The following TMEM132B variants were observed in gnomAD, a reference collection of about 807,000 sequenced individuals.
TMEM132B encodes the protein transmembrane protein 132B.
Under a neutral mutation model 90.8 loss-of-function variants are expected in TMEM132B, and 18 were observed. The observed-to-expected ratio is 0.20, with a 90% CI of 0.14 to 0.29. TMEM132B has a LOEUF of 0.29. TMEM132B is among the 10% of genes least tolerant of loss of function. The pLI, the probability that TMEM132B is intolerant of heterozygous loss-of-function variation, is 1.00. For synonymous variants in TMEM132B, 504 were observed against 523.3 expected (o/e 0.96, Z 0.50); for missense variants, 1,096 against 1,326.8 (o/e 0.83, Z 2.70).
At chr12:125,386,169 A>G (rs965903021) in intron 2 of TMEM132B, among the ~76,000 whole-genome samples, 2 of 151,892 alleles carry the variant, frequency 1.3e-5, no homozygotes, top group Non-Finnish European at 2.9e-5. Context: ...TGTATTTTTT[A>G]TAGAGATGGG....
Position 125,536,832 on chromosome 12 carries a change from G to C in TMEM132B, c.1293+17207G>C, listed in dbSNP as rs1201692545. ...AAATAGGGCTTTGCAGCTGTCATTAGGTTAAGGATGTGAATCTGGGGAGAT... is the reference window on the plus strand; with the variant it reads ...AAATAGGGCTTTGCAGCTGTCATTACGTTAAGGATGTGAATCTGGGGAGAT... On this transcript the variant is annotated intron_variant, in intron 4 of 8. Transcript: ENST00000682704. 8.9e-4 allele frequency among the ~76,000 whole-genome samples: 133 copies of C among 149,888 alleles called. 3 individuals are homozygous for C. Among genetic ancestry groups the C allele is most frequent in the Admixed American group, 8.7e-3 (131 of 15,042 alleles).
At chr12:125,569,988 A>T (rs1884751551) in intron 4 of TMEM132B, among the ~76,000 whole-genome samples, 1 of 151,930 alleles carries the variant, frequency 6.6e-6, no homozygotes. Context: ...AGTGACATGG[A>T]GCCTTGTCAC....
chr12:125,616,238 T>G (rs2136958351), intron 5 of TMEM132B, among the ~76,000 whole-genome samples: 1 of 152,172 alleles, frequency 6.6e-6, no homozygotes, highest in African/African-American at 2.4e-5. Flanking sequence ...GGTTTCCAGC[T>G]TCATCCATGT....
At chr12:125,274,913 A>G (rs1874946869) in intron 1 of TMEM132B, among the ~76,000 whole-genome samples, 1 of 152,118 alleles carries the variant, frequency 6.6e-6, no homozygotes. Flanking sequence ...ATGGAGTGAG[A>G]TCAGACCCTG....
At chr12:125,400,456 A>G (rs1046142902) in intron 2 of TMEM132B, among the ~76,000 whole-genome samples, 1 of 152,210 alleles carries the variant, frequency 6.6e-6, no homozygotes, top group African/African-American at 2.4e-5. Flanking sequence ...CTGTTTATCC[A>G]TCAGGATGGC....
At chr12:125,588,480 C>T (rs1885231079) in intron 5 of TMEM132B, 1 of 152,234 alleles carries the variant, frequency 6.6e-6, no homozygotes, top group South Asian at 2.1e-4. Context: ...CAGGCTCCCA[C>T]CACTGCGCCA....
intron 1 of TMEM132B, chr12:125,301,033 A>G (rs1441873489): frequency 1.3e-5 from 2 of 152,066 alleles, no homozygotes; most frequent in African/African-American, 4.8e-5. Context: ...ATATGTATAT[A>G]TATATATGTA....
chr12:125,495,964 T>C (rs565965452), intron 3 of TMEM132B, among the ~76,000 whole-genome samples: 23 of 152,326 alleles, frequency 1.5e-4, no homozygotes, highest in Non-Finnish European at 2.9e-4. Flanking sequence ...TCTGTGAACA[T>C]TTAATATGCA....
chr12:125,630,214 A>G (rs1886329857), intron 5 of TMEM132B, among the ~76,000 whole-genome samples: 1 of 152,108 alleles, frequency 6.6e-6, no homozygotes, highest in Non-Finnish European at 1.5e-5. Context: ...TAAGATTGGT[A>G]TTAATTCTTC....
intron 4 of TMEM132B, among the ~76,000 whole-genome samples, chr12:125,544,793 A>G (rs1884047773): frequency 6.6e-6 from 1 of 152,202 alleles, no homozygotes; most frequent in Non-Finnish European, 1.5e-5. Context: ...GTGTGGGCAG[A>G]TTATGCAGGG....
chr12:125,369,049 G>A (rs1878218257), intron 2 of TMEM132B, among the ~76,000 whole-genome samples: 1 of 151,134 alleles, frequency 6.6e-6, no homozygotes, highest in Non-Finnish European at 1.5e-5. Flanking sequence ...AGGCCCCGGT[G>A]TGTGATGTTC....
chr12:125,432,485 A>ATATG lies in TMEM132B; in HGVS notation c.1106+16809_1106+16810insATGT, dbSNP rs1394393954. On this transcript the variant is annotated intron_variant, in intron 3 of 8. Transcript: ENST00000682704. ...TGTATATATATGTATGTGTATATATATGTATGTGTATATATATGTGTGTGT... is the reference window on the plus strand; with the variant it reads ...TGTATATATATGTATGTGTATATATATATGTGTATGTGTATATATATGTGTGTGT... Among the ~76,000 whole-genome samples, 47 of 78,266 alleles carry ATATG rather than the reference A, an allele frequency of 6.0e-4. 8 individuals are homozygous for ATATG. The highest frequency in any genetic ancestry group is 3.6e-3 in the African/African-American group (46 of 12,870). 51.3% of individuals were successfully genotyped at this position (78,266 alleles called of 152,430 possible). A position where few individuals can be genotyped will look rare whatever the true frequency, so the allele number is the denominator to read the frequency against.
chr12:125,257,507 T>G (rs569907488), intron 1 of TMEM132B, among the ~76,000 whole-genome samples: 2 of 152,270 alleles, frequency 1.3e-5, no homozygotes, highest in African/African-American at 4.8e-5. Context: ...GTGTGGGTGG[T>G]GTGCGGGAGC....
intron 3 of TMEM132B, among the ~76,000 whole-genome samples, chr12:125,515,591 T>TCA (rs749950020): frequency 6.7e-6 from 1 of 150,008 alleles, no homozygotes; most frequent in Non-Finnish European, 1.5e-5. Context: ...ACATTCCCTC[T>TCA]CACACACACT....
intron 5 of TMEM132B, among the ~76,000 whole-genome samples, chr12:125,608,067 G>T (rs1194208600): frequency 2.0e-5 from 3 of 152,242 alleles, no homozygotes; most frequent in Admixed American, 6.5e-5. Flanking sequence ...ACATGTTTTT[G>T]TGTGGGCATA....
chr12:125,297,519 G>A (rs55896284), intron 1 of TMEM132B, among the ~76,000 whole-genome samples: 43,764 of 152,204 alleles, frequency 0.29, 6,479 homozygotes, highest in African/African-American at 0.33. Context: ...CCTATTGCTG[G>A]TGATTCATTC....
rs751870503 is a variant in TMEM132B, at chr12:125,415,334, A to G, written c.960-197A>G. 1.8e-4 allele frequency among the ~76,000 whole-genome samples: 27 copies of G among 152,182 alleles called. No individual in the cohort carries two copies. Among genetic ancestry groups the G allele is most frequent in the Non-Finnish European group, 3.2e-4 (22 of 68,028 alleles). ...GGCAAAAGCTGGGGCTCCTACTTCCAGGCACTTGTAAAAATTACAAGACAC... is the reference window on the plus strand; with the variant it reads ...GGCAAAAGCTGGGGCTCCTACTTCCGGGCACTTGTAAAAATTACAAGACAC... On this transcript the variant is annotated intron_variant, in intron 2 of 8. Transcript: ENST00000682704. The surrounding 1 kb of genome is among the most constrained non-coding windows in gnomAD (Gnocchi z 5.3).
Position 125,505,182 on chromosome 12 carries a change from A to ACAAACAAAC in TMEM132B, c.1107-14257_1107-14256insCAAACAAAC, listed in dbSNP as rs1232405005. Among the ~76,000 whole-genome samples, 388 of 146,662 alleles carry ACAAACAAAC rather than the reference A, an allele frequency of 2.6e-3. 1 individual carries two copies. Among genetic ancestry groups the ACAAACAAAC allele is most frequent in the Non-Finnish European group, 4.7e-3 (313 of 66,852 alleles). ...ACCAGAGGACAAAAAAAAAAAAAAAAAAAAAAAAAAAAACAGTAAGTGGGG... is the reference window on the plus strand; with the variant it reads ...ACCAGAGGACAAAAAAAAAAAAAAAACAAACAAACAAAAAAAAAAAAACAGTAAGTGGGG... On this transcript the variant is annotated intron_variant, in intron 3 of 8. Coordinates refer to ENST00000682704, the MANE Select transcript of TMEM132B (RefSeq NM_001366854.1).
At chr12:125,368,073 T>C (rs549452522) in intron 2 of TMEM132B, among the ~76,000 whole-genome samples, 1 of 152,322 alleles carries the variant, frequency 6.6e-6, no homozygotes, top group Non-Finnish European at 1.5e-5. Flanking sequence ...TAATTAGAGT[T>C]GACATGTTAT....
Sources: allele counts gnomAD v4.1 joint callset (sites outside exome capture counted in the v4.1 genomes callset), GRCh38; gene constraint gnomAD v4.1.1; non-coding constraint Gnocchi (gnomAD v3.1); transcripts MANE v1.5; gene names NCBI Gene and HGNC (gene_info 2026-07-23, HGNC 2026-07-21).